PEAK1: variants seen among roughly 807,000 people sequenced by gnomAD.
PEAK1 encodes the protein inactive tyrosine-protein kinase PEAK1.
Under a neutral mutation model 124.7 loss-of-function variants are expected in PEAK1, and 54 were observed. The ratio of observed to expected loss-of-function variants is 0.43; its 90% CI spans 0.35 to 0.54. The LOEUF (loss-of-function observed/expected upper bound fraction) is 0.54. PEAK1 is among the 20% of genes least tolerant of loss of function. The probability of loss-of-function intolerance (pLI) is 0.01; values close to 1 mark genes in which losing one functional copy is unlikely to be tolerated. For missense variants in PEAK1, 2,046 were observed against 2,134.5 expected (o/e 0.96, Z 0.82); for synonymous variants, 719 against 760.0 (o/e 0.95, Z 0.89).
intron 5 of PEAK1, among the ~76,000 whole-genome samples, chr15:77,261,419 G>C (rs2061433039): frequency 6.6e-6 from 1 of 152,182 alleles, no homozygotes; most frequent in South Asian, 2.1e-4. Flanking sequence ...ATGCAGAGAA[G>C]TCCTTAAAGG....
At chr15:77,393,945 C>T (rs2070694005) in intron 1 of PEAK1, among the ~76,000 whole-genome samples, 1 of 152,136 alleles carries the variant, frequency 6.6e-6, no homozygotes, top group Non-Finnish European at 1.5e-5. Context: ...CACAAGCTGA[C>T]TGAAGGGTCC....
intron 6 of PEAK1, among the ~76,000 whole-genome samples, chr15:77,188,796 T>C (rs1313251986): frequency 6.6e-6 from 1 of 152,154 alleles, no homozygotes; most frequent in Non-Finnish European, 1.5e-5. Flanking sequence ...TTCCTCTCTA[T>C]ATCTCTTGAA....
At chr15:77,409,139 A>C (rs954738427) in intron 1 of PEAK1, among the ~76,000 whole-genome samples, 1 of 152,174 alleles carries the variant, frequency 6.6e-6, no homozygotes, top group East Asian at 1.9e-4. Context: ...AACAAAACTG[A>C]ATCTACTTTG....
At chr15:77,124,368 T>G (rs1179599758) in intron 9 of PEAK1, among the ~76,000 whole-genome samples, 1 of 152,224 alleles carries the variant, frequency 6.6e-6, no homozygotes, top group Non-Finnish European at 1.5e-5. Context: ...CAAACCCATA[T>G]TTTTACCTGG....
chr15:77,321,419 G>A (rs2065208857), intron 2 of PEAK1, among the ~76,000 whole-genome samples: 1 of 152,060 alleles, frequency 6.6e-6, no homozygotes, highest in African/African-American at 2.4e-5. Flanking sequence ...AGTGATGATG[G>A]GCATTTTTTC....
chr15:77,269,626 C>T (rs1042487611), intron 5 of PEAK1, among the ~76,000 whole-genome samples: 2 of 152,046 alleles, frequency 1.3e-5, no homozygotes, highest in Non-Finnish European at 2.9e-5. Flanking sequence ...AAAAAGTCAA[C>T]AAAGAAACAA....
chr15:77,254,582 G>A (rs911021577), intron 5 of PEAK1, among the ~76,000 whole-genome samples: 6 of 151,996 alleles, frequency 3.9e-5, no homozygotes, highest in Non-Finnish European at 5.9e-5. Flanking sequence ...ACAGTCACAC[G>A]CCACCATGCT....
intron 6 of PEAK1, among the ~76,000 whole-genome samples, chr15:77,191,167 C>T (rs2057813727): frequency 6.6e-6 from 1 of 152,082 alleles, no homozygotes; most frequent in African/African-American, 2.4e-5. Flanking sequence ...AAGCATTCCT[C>T]TTGTGATCTT....
chr15:77,119,768 T>C (rs1437123286), intron 9 of PEAK1, among the ~76,000 whole-genome samples: 1 of 152,256 alleles, frequency 6.6e-6, no homozygotes, highest in Non-Finnish European at 1.5e-5. Flanking sequence ...TCCATGTTGC[T>C]CATGACAACT....
At chr15:77,131,935 C>T (rs537217255) in intron 9 of PEAK1, among the ~76,000 whole-genome samples, 9 of 152,062 alleles carry the variant, frequency 5.9e-5, no homozygotes, top group Non-Finnish European at 1.3e-4. Flanking sequence ...AAAAATCAGT[C>T]ATGTGGTGGC....
intron 2 of PEAK1, among the ~76,000 whole-genome samples, chr15:77,288,898 C>T (rs1009628086): frequency 7.2e-6 from 1 of 139,184 alleles, no homozygotes; most frequent in African/African-American, 2.7e-5. Flanking sequence ...CACTGCACTC[C>T]AGCATGGGCA....
chr15:77,231,817 A>G (rs1448468287), intron 6 of PEAK1, among the ~76,000 whole-genome samples: 1 of 152,168 alleles, frequency 6.6e-6, no homozygotes, highest in Non-Finnish European at 1.5e-5. Flanking sequence ...TGTTACACTC[A>G]TTTCCTCCAA....
At chr15:77,349,230 G>A (rs767741956) in intron 2 of PEAK1, 46 of 426,582 alleles carry the variant, frequency 1.1e-4, no homozygotes, top group Middle Eastern at 1.2e-3. Context: ...TAGTAGAGAC[G>A]GGGTTTCACC....
At chr15:77,361,430 C>A (rs2067878682) in intron 2 of PEAK1, among the ~76,000 whole-genome samples, 2 of 152,018 alleles carry the variant, frequency 1.3e-5, no homozygotes, top group East Asian at 3.9e-4. Flanking sequence ...CAGAGCCAGA[C>A]CCTGTCTCAG....
rs1362698909 is a variant in PEAK1 at position 77,181,698 on chromosome 15, T to C, written c.229A>G (p.Met77Val). The C allele has an allele frequency of 8.7e-6, 14 of 1,614,130 alleles. No individual in the cohort carries two copies. Among genetic ancestry groups the C allele is most frequent in the South Asian group, 1.1e-5 (1 of 91,078 alleles). The change falls in exon 7 of 10, where the codon ATG becomes GTG. Residue 77 changes from methionine to valine, a missense_variant. Physicochemically the swap from Met to Val is conservative, Grantham distance 21. Coordinates refer to ENST00000682557, the MANE Select transcript of PEAK1 (RefSeq NM_001385026.1). The part of the protein sequence containing the change: ...KKPTIAVKPT[M>V]IVADGQSICG... ...ATACTTTGCCCATCTGCCACTATCATAGTGGGCTTCACAGCTATAGTGGGT... is the reference window on the plus strand; with the variant it reads ...ATACTTTGCCCATCTGCCACTATCACAGTGGGCTTCACAGCTATAGTGGGT...
intron 6 of PEAK1, among the ~76,000 whole-genome samples, chr15:77,244,595 CT>C (rs752772715): frequency 6.4e-4 from 93 of 144,756 alleles, no homozygotes; most frequent in African/African-American, 9.8e-4. Context: ...TTTTCTTTTT[CT>C]TTTTTTTTTT....
intron 7 of PEAK1, among the ~76,000 whole-genome samples, chr15:77,174,206 A>G (rs2056699777): frequency 6.6e-6 from 1 of 152,214 alleles, no homozygotes; most frequent in African/African-American, 2.4e-5. Context: ...GTAACAATCT[A>G]ATCCCATAAT....
intron 2 of PEAK1, among the ~76,000 whole-genome samples, chr15:77,310,348 A>G (rs538540899): frequency 6.6e-5 from 10 of 152,330 alleles, no homozygotes; most frequent in African/African-American, 2.2e-4. Flanking sequence ...GCACTGTTTA[A>G]GCAGAACTTA....
chr15:77,131,700 C>T (rs923387574), intron 9 of PEAK1, among the ~76,000 whole-genome samples: 1 of 152,120 alleles, frequency 6.6e-6, no homozygotes, highest in Admixed American at 6.5e-5. Flanking sequence ...ATTAGTTATC[C>T]TCCTCTATAA....
Sources: gnomAD v4.1 joint callset for allele counts (sites outside exome capture counted in the v4.1 genomes callset) on GRCh38, gnomAD v4.1.1 for gene constraint, MANE v1.5 for transcripts, NCBI Gene and HGNC (gene_info 2026-07-23, HGNC 2026-07-21) for gene names.